L3MBTL3: variants seen among roughly 807,000 people sequenced by gnomAD.
L3MBTL3 encodes the protein L3MBTL histone methyl-lysine binding protein 3.
A neutral mutation model predicts 102.3 loss-of-function variants in L3MBTL3; 27 were observed. That is an observed-to-expected ratio of 0.26 (90% CI 0.19 to 0.36). The LOEUF (loss-of-function observed/expected upper bound fraction) is 0.36. Among genes scored for constraint, L3MBTL3 ranks in the 10% least tolerant of loss-of-function variants. The pLI is 1.00. For missense variants in L3MBTL3, 798 were observed against 955.3 expected (o/e 0.84, Z 2.17); for synonymous variants, 340 against 320.9 (o/e 1.06, Z -0.64).
intron 10 of L3MBTL3, among the ~76,000 whole-genome samples, chr6:130,064,298 A>T (rs1259708769): frequency 1.3e-5 from 2 of 152,144 alleles, no homozygotes; most frequent in Non-Finnish European, 1.5e-5. Flanking sequence ...TCAGTGTGAG[A>T]CTAGAGTTTC....
chr6:130,115,015 C>A lies in L3MBTL3; in HGVS notation c.1887-5864C>A, dbSNP rs146153232. ...TCTCATTCCCTTATGTTTTTACCTGCGAGTAAGTCACAGCTCAGAAACTTA... is the reference window on the plus strand; with the variant it reads ...TCTCATTCCCTTATGTTTTTACCTGAGAGTAAGTCACAGCTCAGAAACTTA... On this transcript the variant is annotated intron_variant, in intron 19 of 22. Transcript: ENST00000361794. Among the ~76,000 whole-genome samples, 4 of 149,950 alleles carry A rather than the reference C, an allele frequency of 2.7e-5. No individual in the cohort carries two copies. In the East Asian group the frequency reaches 7.8e-4, roughly 29 times the overall value.
intron 11 of L3MBTL3, 109 bp downstream of exon 11, chr6:130,066,597 A>G (rs1782277289): frequency 1.1e-6 from 1 of 912,436 alleles, no homozygotes; most frequent in African/African-American, 1.7e-5. Context: ...AGATAGGCAC[A>G]AATTTAACCT....
At chr6:130,123,717 G>T (rs902143789) in intron 20 of L3MBTL3, among the ~76,000 whole-genome samples, 1 of 152,090 alleles carries the variant, frequency 6.6e-6, no homozygotes, top group Non-Finnish European at 1.5e-5. Flanking sequence ...GAACCATTTT[G>T]TATGAAAGAG....
At chr6:130,084,665 C>T (rs564025450) in intron 15 of L3MBTL3, among the ~76,000 whole-genome samples, 22 of 152,286 alleles carry the variant, frequency 1.4e-4, no homozygotes, top group African/African-American at 4.6e-4. Flanking sequence ...TGATGCGAAG[C>T]AGAGCTGCAT....
At chr6:130,040,069 G>A (rs1470762007) in intron 2 of L3MBTL3, among the ~76,000 whole-genome samples, 1 of 152,160 alleles carries the variant, frequency 6.6e-6, no homozygotes, top group Non-Finnish European at 1.5e-5. Flanking sequence ...GCTCATGCCT[G>A]TAATCCCAGC....
In L3MBTL3 at chr6:130,058,005, C is replaced by T. The variant is rs1316097137; in HGVS notation, c.759+508C>T. Among the ~76,000 whole-genome samples, 6 of 151,058 alleles carry T rather than the reference C, an allele frequency of 4.0e-5. 1 individual carries two copies. The highest frequency in any genetic ancestry group is 4.4e-5 in the Non-Finnish European group (3 of 67,702). ...AAAAATACAAAAAATTAGCCGGGCGCGGTGGCGGGTGCCTGTAGTCCCAGC... is the reference window on the plus strand; with the variant it reads ...AAAAATACAAAAAATTAGCCGGGCGTGGTGGCGGGTGCCTGTAGTCCCAGC... On this transcript the variant is annotated intron_variant, in intron 9 of 22. Transcript: ENST00000361794.
At position 130,086,216 on chromosome 6, in the gene L3MBTL3, C is replaced by T. The variant is rs1330884147; in HGVS notation, c.1484C>T (p.Ala495Val). 6.2e-7 allele frequency: 1 copy of T among 1,612,322 alleles called. No homozygotes were observed. The highest frequency in any genetic ancestry group is 8.5e-7 in the Non-Finnish European group (1 of 1,178,934). ...DKRNPMFIRV[A>V]TVADTDDHRV... is the part of the protein sequence containing the mutation. The stretch of plus-strand genomic sequence containing the variant: ...AGGAACCCTATGTTTATTAGAGTAG[C>T]AACTGTGGCAGACACAGATGATCAC... Residue 495 changes from alanine (A) to valine (V), a missense_variant, in exon 16 of 23, where the codon GCA becomes GTA. Around this residue, in one of 4 missense-constraint regions of L3MBTL3, gnomAD observed 306 missense variants for 314.4 expected, o/e 0.97. Transcript: ENST00000361794.
chr6:130,109,626 C>G (rs1357414717), intron 19 of L3MBTL3, among the ~76,000 whole-genome samples: 1 of 152,038 alleles, frequency 6.6e-6, no homozygotes, highest in East Asian at 1.9e-4. Context: ...AGATGGGTAG[C>G]TTGCAAAAAT....
intron 10 of L3MBTL3, among the ~76,000 whole-genome samples, chr6:130,064,923 G>C (rs1326905483): frequency 2.0e-5 from 3 of 152,170 alleles, no homozygotes; most frequent in Non-Finnish European, 2.9e-5. Context: ...ATAGGGCTGA[G>C]CTCTTAGGAT....
At chr6:130,054,935 G>C (rs1009142883) in intron 7 of L3MBTL3, among the ~76,000 whole-genome samples, 2 of 152,146 alleles carry the variant, frequency 1.3e-5, no homozygotes, top group African/African-American at 4.8e-5. Flanking sequence ...TTCAAGGAGC[G>C]GGGAGCGGTG....
chr6:130,051,501 G>C, intron 6 of L3MBTL3, 93 bp downstream of exon 6: 1 of 1,150,350 alleles, frequency 8.7e-7, no homozygotes, highest in Non-Finnish European at 1.3e-6. Flanking sequence ...CTCGGACATT[G>C]ATCACCTATT....
intron 18 of L3MBTL3, among the ~76,000 whole-genome samples, chr6:130,096,807 T>C (rs897216442): frequency 6.6e-6 from 1 of 152,212 alleles, no homozygotes; most frequent in Non-Finnish European, 1.5e-5. Flanking sequence ...TAGAGGAATG[T>C]GGTAAGGAAC....
At position 130,078,467 on chromosome 6, in the gene L3MBTL3, A is replaced by C. The variant is rs570905399; in HGVS notation, c.1245-91A>C. On this transcript the variant is annotated intron_variant, in intron 13 of 22. Transcript: ENST00000361794. The stretch of plus-strand genomic sequence containing the variant: ...TTGTAATAAATAGAACTCTCTGTAA[A>C]GTGCTCATGATCTCTAGTTTTCTTT... The C allele has an allele frequency of 1.2e-4, 98 of 842,714 alleles. 1 individual carries two copies. The South Asian group carries it at 1.5e-3, about 13-fold the overall frequency. 52.2% of individuals were successfully genotyped at this position (842,714 alleles called of 1,614,324 possible).
chr6:130,120,479 T>A (rs1786075828), intron 19 of L3MBTL3, among the ~76,000 whole-genome samples: 1 of 152,210 alleles, frequency 6.6e-6, no homozygotes, highest in Non-Finnish European at 1.5e-5. Context: ...ATCCCAGTGC[T>A]GAGTCGTATA....
At chr6:130,110,632 G>A (rs535375668) in intron 19 of L3MBTL3, among the ~76,000 whole-genome samples, 5 of 152,160 alleles carry the variant, frequency 3.3e-5, no homozygotes, top group East Asian at 3.9e-4. Context: ...CAATCATGTC[G>A]TCCACAAACA....
rs1039149233 is a variant in L3MBTL3, at chr6:130,080,088, C to A, written c.1321+1454C>A. 2.6e-4 allele frequency among the ~76,000 whole-genome samples: 40 copies of A among 151,992 alleles called. 1 individual carries two copies. Among genetic ancestry groups the A allele is most frequent in the Admixed American group, 2.6e-3 (39 of 15,270 alleles). ...TGGGTAACATAGTGAGACCCTGTCTCTATAAAAAATTTTAAGTCAGCCAGG... is the reference window on the plus strand; with the variant it reads ...TGGGTAACATAGTGAGACCCTGTCTATATAAAAAATTTTAAGTCAGCCAGG... On this transcript the variant is annotated intron_variant, in intron 14 of 22. Coordinates refer to ENST00000361794, the MANE Select transcript of L3MBTL3 (RefSeq NM_032438.4).
chr6:130,068,399 C>T lies in L3MBTL3; in HGVS notation c.1070C>T (p.Ser357Leu). The T allele has an allele frequency of 6.3e-7, 1 of 1,599,844 alleles. No individual in the cohort carries two copies. The highest frequency in any genetic ancestry group is 8.6e-7 in the Non-Finnish European group (1 of 1,167,506). The stretch of plus-strand genomic sequence containing the variant: ...TGTAAAGCTCAAGCTGCTCCTAAGT[C>T]ATTATTTGAAAATCAGAATATAGTA... ...KTCKAQAAPKSLFENQNITVI... is the reference protein window; with the variant it reads ...KTCKAQAAPKLLFENQNITVI... The change falls in exon 12 of 23, where the codon TCA (serine) becomes TTA (leucine). Residue 357 changes from serine to leucine, a missense_variant. Ser to Leu is a moderately radical substitution (Grantham distance 145). Coordinates refer to ENST00000361794, the MANE Select transcript of L3MBTL3 (RefSeq NM_032438.4).
intron 19 of L3MBTL3, among the ~76,000 whole-genome samples, chr6:130,110,804 A>G (rs1341736057): frequency 1.3e-5 from 2 of 152,202 alleles, no homozygotes; most frequent in Admixed American, 6.5e-5. Flanking sequence ...GCTTTTGCCC[A>G]TTTAGTATGA....
At chr6:130,029,805 C>G (rs1465574938) in intron 2 of L3MBTL3, among the ~76,000 whole-genome samples, 5 of 152,000 alleles carry the variant, frequency 3.3e-5, no homozygotes. Context: ...CCTGGAGAGC[C>G]CCTCCCCTCC....
Sources: allele counts gnomAD v4.1 joint callset (sites outside exome capture counted in the v4.1 genomes callset), GRCh38; gene constraint gnomAD v4.1.1; regional missense constraint gnomAD v4.1.1; transcripts MANE v1.5; gene names NCBI Gene and HGNC (gene_info 2026-07-23, HGNC 2026-07-21).